The following BRWD1 variants were observed in gnomAD, a reference collection of about 807,000 sequenced individuals.
The protein encoded by BRWD1 is bromodomain and WD repeat domain containing 1.
In BRWD1, 82 loss-of-function variants were observed where a neutral mutation model predicts 251.2. The ratio of observed to expected loss-of-function variants is 0.33; its 90% CI spans 0.27 to 0.39. The LOEUF (loss-of-function observed/expected upper bound fraction) is 0.39. Ranked by LOEUF, BRWD1 falls within the 10% of genes least tolerant of loss-of-function variation. The pLI is 1.00. For missense variants in BRWD1, 2,233 were observed against 2,711.6 expected (o/e 0.82, Z 3.92); for synonymous variants, 918 against 902.8 (o/e 1.02, Z -0.30).
intron 25 of BRWD1, 107 bp from the exon 26 acceptor site, chr21:39,229,543 C>G: frequency 1.8e-6 from 2 of 1,089,114 alleles, no homozygotes; most frequent in Admixed American, 5.4e-5. Context: ...GCTTCCAAAC[C>G]CGCAGACAAG....
At chr21:39,259,968 T>C (rs1181400422) in intron 17 of BRWD1, among the ~76,000 whole-genome samples, 1 of 152,210 alleles carries the variant, frequency 6.6e-6, no homozygotes, top group African/African-American at 2.4e-5. Flanking sequence ...TATTATGGGA[T>C]GGGCAAGGGA....
At chr21:39,311,285 A>G in intron 4 of BRWD1, among the ~76,000 whole-genome samples, 1 of 152,030 alleles carries the variant, frequency 6.6e-6, no homozygotes, top group East Asian at 1.9e-4. Flanking sequence ...CTTCCGCCTC[A>G]GCCTCCGAAA....
At chr21:39,307,168 A>C (rs1568977883) in intron 4 of BRWD1, among the ~76,000 whole-genome samples, 1 of 152,164 alleles carries the variant, frequency 6.6e-6, no homozygotes, top group Non-Finnish European at 1.5e-5. Context: ...TTGAAAATTT[A>C]ATCATAAAAT....
At chr21:39,211,635 T>A (rs866627895) in intron 34 of BRWD1, among the ~76,000 whole-genome samples, 1 of 152,150 alleles carries the variant, frequency 6.6e-6, no homozygotes, top group African/African-American at 2.4e-5. Context: ...TCTACAGAAC[T>A]ATCAGGTAAT....
chr21:39,268,943 G>A (rs2035015007), intron 15 of BRWD1, among the ~76,000 whole-genome samples: 1 of 152,018 alleles, frequency 6.6e-6, no homozygotes, highest in Non-Finnish European at 1.5e-5. Context: ...AGTTGAGATT[G>A]CGCCACTGCA....
At position 39,312,862 on chromosome 21, in the gene BRWD1, G is replaced by A; in HGVS notation, c.177C>T (p.His59=). 1.3e-6 allele frequency: 2 copies of A among 1,583,546 alleles called. No individual in the cohort carries two copies. The highest frequency in any genetic ancestry group is 1.1e-5 in the South Asian group (1 of 89,658). Residue 59 remains histidine, a synonymous_variant, in exon 4 of 41, where the codon CAC becomes CAT. Coordinates refer to ENST00000342449, the MANE Select transcript of BRWD1 (RefSeq NM_033656.4). ...TCACCAACTCCTCGTAGCTCCTGTT[G>A]TGCTCGTTGCCCTCCCAGTCCAATC... ...PKRLDWEGNE[H]NRSYEELVLS...
chr21:39,239,707 G>A (rs1186479345), intron 21 of BRWD1, among the ~76,000 whole-genome samples: 1 of 152,176 alleles, frequency 6.6e-6, no homozygotes, highest in African/African-American at 2.4e-5. Context: ...TTAATTTGCT[G>A]GGATTTTGTT....
chr21:39,204,273 G>A (rs974596584), intron 37 of BRWD1, among the ~76,000 whole-genome samples: 2 of 150,060 alleles, frequency 1.3e-5, no homozygotes, highest in East Asian at 1.9e-4. Context: ...ATATAAAATC[G>A]ATTGTTTGCA....
At position 39,252,434 on chromosome 21, in the gene BRWD1, A is replaced by G. The variant is rs368449721; in HGVS notation, c.2256-1545T>C. On this transcript the variant is annotated intron_variant, in intron 19 of 40. Transcript: ENST00000342449. The stretch of plus-strand genomic sequence containing the variant: ...TATATCTATTACTCCAATTTTTCAC[A>G]TTGGACACAAACTTTTATAGTCAGA... Among the ~76,000 whole-genome samples, 15 of 152,228 alleles carry G rather than the reference A, an allele frequency of 9.9e-5. No individual in the cohort carries two copies. The East Asian group carries it at 1.5e-3, about 16-fold the overall frequency.
At position 39,274,486 on chromosome 21, in the gene BRWD1, G is replaced by T; in HGVS notation, c.1146-14C>A. The T allele has an allele frequency of 6.3e-7, 1 of 1,592,034 alleles. No individual in the cohort carries two copies. The highest frequency in any genetic ancestry group is 1.1e-5 in the South Asian group (1 of 90,654). On this transcript the variant is annotated splice_polypyrimidine_tract_variant and intron_variant, in intron 12 of 40. Transcript: ENST00000342449. ...CCACTTAGGAACCTTAAAACATTCA[G>T]AACAGGATCTTACTATATTCACACA...
intron 20 of BRWD1, among the ~76,000 whole-genome samples, chr21:39,248,320 A>T (rs908692001): frequency 6.6e-6 from 1 of 152,054 alleles, no homozygotes; most frequent in African/African-American, 2.4e-5. Flanking sequence ...GGCTATTATT[A>T]AAAAGTCAAG....
At chr21:39,284,897 T>C (rs1468705376) in intron 8 of BRWD1, among the ~76,000 whole-genome samples, 2 of 152,250 alleles carry the variant, frequency 1.3e-5, no homozygotes, top group Non-Finnish European at 2.9e-5. Context: ...GTTTGTTTCC[T>C]TTGCTGTGCA....
At chr21:39,255,850 G>A in intron 18 of BRWD1, 22 bp from the exon 19 acceptor site, 1 of 1,604,204 alleles carries the variant, frequency 6.2e-7, no homozygotes, top group Non-Finnish European at 8.5e-7. Flanking sequence ...TGATGGGGAA[G>A]TGATTCCAAT....
At chr21:39,222,454 T>C (rs1174099528) in intron 29 of BRWD1, among the ~76,000 whole-genome samples, 1 of 152,202 alleles carries the variant, frequency 6.6e-6, no homozygotes, top group East Asian at 1.9e-4. Flanking sequence ...AAGGTGAGCC[T>C]TGAACACTGC....
chr21:39,312,830 C>T lies in BRWD1; in HGVS notation c.198+11G>A, dbSNP rs771421392. 6.3e-7 allele frequency: 1 copy of T among 1,592,144 alleles called. No homozygotes were observed. The highest frequency in any genetic ancestry group is 8.5e-7 in the Non-Finnish European group (1 of 1,170,750). The stretch of plus-strand genomic sequence containing the variant: ...CGGAAAACCCGGGGAGCAAACGTGC[C>T]CAATGCTCACCAACTCCTCGTAGCT... On this transcript the variant is annotated intron_variant, in intron 4 of 40. Coordinates refer to ENST00000342449, the MANE Select transcript of BRWD1 (RefSeq NM_033656.4).
Position 39,189,597 on chromosome 21 carries a change from T to A in BRWD1, c.*6662A>T. Reference sequence around the variant, plus strand: ...ACACTGTACTCTAACTTGATAAAGCTGAATCTCTTAAGTCTTAGACAATAA... The same window carrying A: ...ACACTGTACTCTAACTTGATAAAGCAGAATCTCTTAAGTCTTAGACAATAA... On this transcript the variant is annotated 3_prime_UTR_variant, in exon 41 of 41. Coordinates refer to ENST00000342449, the MANE Select transcript of BRWD1 (RefSeq NM_033656.4). 2.0e-6 allele frequency: 2 copies of A among 983,310 alleles called. No homozygotes were observed. Among genetic ancestry groups the A allele is most frequent in the Non-Finnish European group, 2.4e-6 (2 of 828,058 alleles). The allele number at this position is 983,310 out of a possible 1,614,324, so 60.9% of individuals were successfully genotyped here.
rs75386526 is a variant in BRWD1, at chr21:39,195,155, T to G, written c.*1104A>C. On this transcript the variant is annotated 3_prime_UTR_variant, in exon 41 of 41. Coordinates refer to ENST00000342449, the MANE Select transcript of BRWD1 (RefSeq NM_033656.4). ...CTAGAAGTCACTAATAAAGATACAT[T>G]TAGTTGCCCCAGCAAAGAATGCTTA... is the stretch of plus-strand genomic sequence containing the variant. 2.6e-3 allele frequency: 2,879 copies of G among 1,088,712 alleles called. 63 individuals are homozygous for G. The African/African-American group carries it at 0.045, about 17-fold the overall frequency. The allele number at this position is 1,088,712 out of a possible 1,614,324, so 67.4% of individuals were successfully genotyped here. A position where few individuals can be genotyped will look rare whatever the true frequency, so the allele number is the denominator to read the frequency against.
chr21:39,282,611 T>A (rs114922906), intron 8 of BRWD1, among the ~76,000 whole-genome samples: 2,701 of 151,906 alleles, frequency 0.018, 72 homozygotes, highest in African/African-American at 0.058. Flanking sequence ...GACAAAAAAA[T>A]TTTTTTTTAA....
At chr21:39,218,051 T>C (rs2033027213) in intron 31 of BRWD1, 101 bp downstream of exon 31, 3 of 1,244,770 alleles carry the variant, frequency 2.4e-6, no homozygotes, top group Non-Finnish European at 3.2e-6. Context: ...CAGAAAATGC[T>C]AATCAGCCCC....
Sources: gnomAD v4.1 joint callset for allele counts (sites outside exome capture counted in the v4.1 genomes callset) on GRCh38, gnomAD v4.1.1 for gene constraint, MANE v1.5 for transcripts, NCBI Gene and HGNC (gene_info 2026-07-23, HGNC 2026-07-21) for gene names.